The following DCLK1 variants were observed in gnomAD, a reference collection of about 807,000 sequenced individuals.
DCLK1 encodes the protein serine/threonine-protein kinase DCLK1.
A neutral mutation model predicts 86.2 loss-of-function variants in DCLK1; 16 were observed. The ratio of observed to expected loss-of-function variants is 0.19; its 90% confidence interval spans 0.13 to 0.28. DCLK1 has a LOEUF of 0.28. DCLK1 is among the 10% of genes least tolerant of loss of function. The probability of loss-of-function intolerance (pLI) is 1.00; values close to 1 mark genes in which losing one functional copy is unlikely to be tolerated. For missense variants in DCLK1, 590 were observed against 940.2 expected, an observed-to-expected ratio of 0.63 and a Z score of 4.87; for synonymous variants, 369 against 370.5, an observed-to-expected ratio of 1.00 and a Z score of 0.05.
At chr13:35,828,199 C>T in intron 9 of DCLK1, 51 bp downstream of exon 9, 1 of 1,472,088 alleles carries the variant, frequency 6.8e-7, no homozygotes, top group Non-Finnish European at 9.4e-7. Flanking sequence ...CTTTGTGTTT[C>T]TTTTGACCTC....
At position 35,993,325 on chromosome 13, in the gene DCLK1, A is replaced by G. The variant is rs184120666; in HGVS notation, c.724-45868T>C. Reference sequence around the variant, plus strand: ...AAACTACTGACTGAACACTTAGCACAGCCTACCTTGCATTCTTCTTTGTCT... The same window carrying G: ...AAACTACTGACTGAACACTTAGCACGGCCTACCTTGCATTCTTCTTTGTCT... On this transcript the variant is annotated intron_variant, in intron 3 of 16. Coordinates refer to ENST00000360631, the MANE Select transcript of DCLK1 (RefSeq NM_001330071.2). Among the ~76,000 whole-genome samples the G allele has an allele frequency of 3.1e-3, 473 of 152,326 alleles. 1 individual carries two copies. Among genetic ancestry groups the G allele is most frequent in the Middle Eastern group, 0.01 (3 of 294 alleles).
At chr13:36,098,431 G>A (rs566425535) in intron 3 of DCLK1, among the ~76,000 whole-genome samples, 1 of 152,146 alleles carries the variant, frequency 6.6e-6, no homozygotes, top group Non-Finnish European at 1.5e-5. Context: ...TAGGACAAAC[G>A]AAAAGTCACA....
rs867400609 is a variant in DCLK1, at chr13:35,770,727, G to C, written c.*3808C>G. 1 of 152,172 alleles carries C rather than the reference G, an allele frequency of 6.6e-6. No homozygotes were observed. The highest frequency in any genetic ancestry group is 1.5e-5 in the Non-Finnish European group (1 of 68,034). 9.4% of individuals were successfully genotyped at this position (152,172 alleles called of 1,614,324 possible). A position where few individuals can be genotyped will look rare whatever the true frequency, so the allele number is the denominator to read the frequency against. ...GTGACCCATTAAATTTAAAAAATGT[G>C]TGCGAATGAGTAACTACATTAAAAC... On this transcript the variant is annotated 3_prime_UTR_variant, in exon 17 of 17. Coordinates refer to ENST00000360631, the MANE Select transcript of DCLK1 (RefSeq NM_001330071.2).
rs1163337366 is a variant in DCLK1, at chr13:35,940,227, A to AG, written c.823+7130_823+7131insC. Reference sequence around the variant, plus strand: ...CACAGCAAGAGTCTGTCTCAAAAAAAAAAAAAATAAGTTAGTATGAAGGGT... The same window carrying AG: ...CACAGCAAGAGTCTGTCTCAAAAAAAGAAAAAAATAAGTTAGTATGAAGGGT... On this transcript the variant is annotated intron_variant, in intron 4 of 16. Coordinates refer to ENST00000360631, the MANE Select transcript of DCLK1 (RefSeq NM_001330071.2). Among the ~76,000 whole-genome samples, 48 of 151,470 alleles carry AG rather than the reference A, an allele frequency of 3.2e-4. 2 individuals are homozygous for AG. In the East Asian group the frequency reaches 9.2e-3, roughly 29 times the overall value.
Position 35,827,200 on chromosome 13 carries a change from G to A in DCLK1, c.1407+435C>T, listed in dbSNP as rs571221931. Among the ~76,000 whole-genome samples, 14 of 152,216 alleles carry A rather than the reference G, an allele frequency of 9.2e-5. 1 individual carries two copies. The highest frequency in any genetic ancestry group is 6.8e-3 in the Middle Eastern group (2 of 294). On this transcript the variant is annotated intron_variant, in intron 10 of 16. Transcript: ENST00000360631. ...GACAGTGCTATTTTCCCATTATGTT[G>A]GTGACTAAAAGTTTAAAGCTTGTTT... is the stretch of plus-strand genomic sequence containing the variant.
chr13:36,063,526 A>T (rs1165374241), intron 3 of DCLK1, among the ~76,000 whole-genome samples: 1 of 152,160 alleles, frequency 6.6e-6, no homozygotes, highest in South Asian at 2.1e-4. Context: ...TTTTGGAGTA[A>T]GTCTGGCATC....
chr13:35,981,723 G>A (rs1286699342), intron 3 of DCLK1, among the ~76,000 whole-genome samples: 1 of 152,112 alleles, frequency 6.6e-6, no homozygotes, highest in Non-Finnish European at 1.5e-5. Context: ...CCCACCTTTT[G>A]GCTGTTGTGA....
At chr13:35,824,755 AAGG>A (rs2087481070) in intron 10 of DCLK1, among the ~76,000 whole-genome samples, 1 of 152,144 alleles carries the variant, frequency 6.6e-6, no homozygotes, top group African/African-American at 2.4e-5. Context: ...CCACAGCCGA[AAGG>A]AGGAGGCTTT....
intron 3 of DCLK1, among the ~76,000 whole-genome samples, chr13:35,975,657 A>G (rs1164061189): frequency 5.3e-5 from 8 of 151,688 alleles, no homozygotes; most frequent in Non-Finnish European, 1.0e-4. Context: ...CACGGGGATG[A>G]GTTTTCCCTA....
intron 3 of DCLK1, among the ~76,000 whole-genome samples, chr13:36,051,071 G>A (rs1347684344): frequency 6.6e-6 from 1 of 151,946 alleles, no homozygotes; most frequent in Non-Finnish European, 1.5e-5. Flanking sequence ...AGTGCTTAAG[G>A]GCCAAAGTAC....
At chr13:36,085,632 C>T (rs1330719119) in intron 3 of DCLK1, among the ~76,000 whole-genome samples, 1 of 152,162 alleles carries the variant, frequency 6.6e-6, no homozygotes, top group East Asian at 1.9e-4. Context: ...TAAATTACCA[C>T]ACACTATTCT....
At chr13:35,877,150 G>A (rs1872637728) in intron 4 of DCLK1, among the ~76,000 whole-genome samples, 1 of 152,210 alleles carries the variant, frequency 6.6e-6, no homozygotes, top group African/African-American at 2.4e-5. Context: ...GGGATTTATA[G>A]AAGTTAAATG....
At chr13:35,926,058 C>CT (rs71797601) in intron 4 of DCLK1, among the ~76,000 whole-genome samples, 10,269 of 143,960 alleles carry the variant, frequency 0.071, 1,065 homozygotes, top group African/African-American at 0.23. Context: ...CAAATGTAAT[C>CT]TTTTTTTTTT....
intron 1 of DCLK1, among the ~76,000 whole-genome samples, chr13:36,127,429 C>T (rs894923382): frequency 6.6e-6 from 1 of 152,144 alleles, no homozygotes; most frequent in Non-Finnish European, 1.5e-5. Context: ...TTAAAGATGT[C>T]GATTTACACT....
intron 6 of DCLK1, among the ~76,000 whole-genome samples, chr13:35,853,641 T>C (rs1267767794): frequency 6.6e-6 from 1 of 152,148 alleles, no homozygotes; most frequent in Non-Finnish European, 1.5e-5. Context: ...TCAAGAATCT[T>C]GTGTTTGAGT....
At chr13:35,930,155 C>T (rs945897857) in intron 4 of DCLK1, among the ~76,000 whole-genome samples, 2 of 152,148 alleles carry the variant, frequency 1.3e-5, no homozygotes, top group Non-Finnish European at 2.9e-5. Flanking sequence ...TTTAACTTTC[C>T]AGAACATTTT....
chr13:36,045,816 G>A (rs907260089), intron 3 of DCLK1, among the ~76,000 whole-genome samples: 1 of 151,218 alleles, frequency 6.6e-6, no homozygotes, highest in Admixed American at 6.6e-5. Flanking sequence ...TAGCGCCACT[G>A]TACCCCAGCC....
At chr13:35,874,930 G>A (rs1051500061) in intron 4 of DCLK1, among the ~76,000 whole-genome samples, 2 of 152,204 alleles carry the variant, frequency 1.3e-5, no homozygotes, top group African/African-American at 2.4e-5. Flanking sequence ...CCACAATGTC[G>A]CCGGCCCATT....
intron 4 of DCLK1, among the ~76,000 whole-genome samples, chr13:35,905,146 C>G (rs567025334): frequency 6.6e-6 from 1 of 152,282 alleles, no homozygotes; most frequent in South Asian, 2.1e-4. Context: ...CGCCTGGCCT[C>G]CTGTCCTCAA....
Sources: allele counts gnomAD v4.1 joint callset (sites outside exome capture counted in the v4.1 genomes callset), GRCh38; gene constraint gnomAD v4.1.1; transcripts MANE v1.5; gene names NCBI Gene and HGNC (gene_info 2026-07-23, HGNC 2026-07-21).